The following SAMMSON variants were observed in gnomAD, a reference collection of about 807,000 sequenced individuals.
SAMMSON encodes long intergenic non-protein coding RNA 1212.
At chr3:70,004,722 T>C (rs2066919211) in intron 1 of SAMMSON, among the ~76,000 whole-genome samples, 1 of 152,182 alleles carries the variant, frequency 6.6e-6, no homozygotes, top group African/African-American at 2.4e-5. Context: ...CAAGTTATAG[T>C]TTTTAAAAAC....
Position 70,272,806 on chromosome 3 carries a change from G to T in SAMMSON, n.675-18373G>T, listed in dbSNP as rs539151336. ...TGGAAAGCATAAATGAATATTGCTT[G>T]TTTCACGAAGTTAGAATTTTCTTTC... On this transcript the variant is annotated intron_variant and non_coding_transcript_variant, in intron 6 of 9. Coordinates refer to ENST00000642114, the Ensembl canonical transcript of SAMMSON. 1.3e-4 allele frequency among the ~76,000 whole-genome samples: 20 copies of T among 152,238 alleles called. No homozygotes were observed. The South Asian group carries it at 3.9e-3, about 30-fold the overall frequency.
chr3:70,297,506 T>C (rs1196460104), intron 7 of SAMMSON, among the ~76,000 whole-genome samples: 1 of 152,142 alleles, frequency 6.6e-6, no homozygotes, highest in African/African-American at 2.4e-5. Flanking sequence ...GTAGTTTCAA[T>C]TGGTTAGACA....
intron 4 of SAMMSON, among the ~76,000 whole-genome samples, chr3:70,123,688 C>G (rs1402793876): frequency 1.3e-5 from 2 of 152,212 alleles, no homozygotes; most frequent in Non-Finnish European, 2.9e-5. Flanking sequence ...TTTGTCACTG[C>G]TCACATGTCA....
At chr3:70,392,320 T>C (rs1324025957), downstream of SAMMSON, among the ~76,000 whole-genome samples, 2 of 152,106 alleles carry the variant, frequency 1.3e-5, no homozygotes, top group East Asian at 1.9e-4. Context: ...CTCAATGAAT[T>C]TGAGGCTCAC....
chr3:70,125,042 T>A lies in SAMMSON; in HGVS notation n.507+53477T>A, dbSNP rs534419753. On this transcript the variant is annotated intron_variant and non_coding_transcript_variant, in intron 4 of 9. Coordinates refer to ENST00000642114, the Ensembl canonical transcript of SAMMSON. ...GGAAAGCCCTTGAAAGATACAGGAT[T>A]CAAAAGAAACCTTTATTAATTTTTA... 9 of 766,514 alleles carry A rather than the reference T, an allele frequency of 1.2e-5. No homozygotes were observed. In the African/African-American group the frequency reaches 1.4e-4, roughly 12 times the overall value. The allele number at this position is 766,514 out of a possible 1,614,324, so 47.5% of individuals were successfully genotyped here.
At chr3:70,187,318 C>G (rs1360853279) in intron 4 of SAMMSON, among the ~76,000 whole-genome samples, 1 of 151,748 alleles carries the variant, frequency 6.6e-6, no homozygotes, top group African/African-American at 2.4e-5. Flanking sequence ...AATACAAACC[C>G]TATTTATCCA....
At chr3:70,022,521 G>T (rs1435709336) in intron 3 of SAMMSON, among the ~76,000 whole-genome samples, 2 of 148,532 alleles carry the variant, frequency 1.3e-5, no homozygotes, top group Non-Finnish European at 3.0e-5. Flanking sequence ...GTGTTTTTTT[G>T]GTTCTTTTGG....
intron 4 of SAMMSON, among the ~76,000 whole-genome samples, chr3:70,212,363 A>T (rs777544034): frequency 2.0e-5 from 3 of 152,098 alleles, no homozygotes; most frequent in Non-Finnish European, 4.4e-5. Flanking sequence ...CTTCTCCCCA[A>T]ACTGGAATAA....
intron 7 of SAMMSON, among the ~76,000 whole-genome samples, chr3:70,307,728 A>G (rs1415368823): frequency 6.6e-6 from 1 of 152,132 alleles, no homozygotes; most frequent in Admixed American, 6.5e-5. Flanking sequence ...TTACAGGCTC[A>G]TATCACACAA....
downstream of SAMMSON, among the ~76,000 whole-genome samples, chr3:70,392,265 T>C (rs1340106218): frequency 6.6e-6 from 1 of 152,172 alleles, no homozygotes; most frequent in Non-Finnish European, 1.5e-5. Context: ...ATTTATTTCA[T>C]TCACATCTCA....
intron 4 of SAMMSON, among the ~76,000 whole-genome samples, chr3:70,163,637 G>C (rs964085753): frequency 2.6e-5 from 4 of 152,032 alleles, no homozygotes; most frequent in African/African-American, 7.2e-5. Context: ...GCAAAAGAAA[G>C]AGAGTCATAA....
chr3:70,398,649 C>T (rs910046253), intron 2 of SAMMSON, among the ~76,000 whole-genome samples: 2 of 152,162 alleles, frequency 1.3e-5, no homozygotes, highest in African/African-American at 4.8e-5. Context: ...AGTTGCTCTT[C>T]ATAATTTTTG....
At chr3:70,227,663 T>G (rs1385383375) in intron 4 of SAMMSON, among the ~76,000 whole-genome samples, 3 of 152,228 alleles carry the variant, frequency 2.0e-5, no homozygotes, top group Middle Eastern at 3.2e-3. Context: ...ATAATACTAC[T>G]TAACAATTTC....
At chr3:70,420,744 G>A (rs1701304472) in intron 2 of SAMMSON, among the ~76,000 whole-genome samples, 1 of 152,038 alleles carries the variant, frequency 6.6e-6, no homozygotes, top group Admixed American at 6.6e-5. Flanking sequence ...AGAGATTGTT[G>A]GTTTATTTTC....
chr3:70,000,616 A>G (rs964698895), intron 1 of SAMMSON, among the ~76,000 whole-genome samples: 3 of 152,314 alleles, frequency 2.0e-5, no homozygotes, highest in Middle Eastern at 3.4e-3. Context: ...AGAATGTTCT[A>G]TGCTTACTGT....
chr3:70,234,296 C>T (rs757266159), intron 4 of SAMMSON, among the ~76,000 whole-genome samples: 4 of 152,104 alleles, frequency 2.6e-5, no homozygotes, highest in Non-Finnish European at 5.9e-5. Flanking sequence ...TATTGAACAT[C>T]TACTATATGC....
intron 4 of SAMMSON, chr3:70,137,626 A>C (rs560840872): frequency 6.6e-6 from 1 of 152,316 alleles, no homozygotes; most frequent in East Asian, 1.9e-4. Context: ...GTCTACACTT[A>C]CACTGTCCAA....
chr3:70,279,671 T>C (rs1702062076), intron 6 of SAMMSON, among the ~76,000 whole-genome samples: 1 of 152,164 alleles, frequency 6.6e-6, no homozygotes, highest in African/African-American at 2.4e-5. Flanking sequence ...AGCTCCTCCA[T>C]TTCTGCATTT....
intron 4 of SAMMSON, among the ~76,000 whole-genome samples, chr3:70,153,457 T>C (rs925767971): frequency 2.0e-5 from 3 of 151,930 alleles, no homozygotes; most frequent in African/African-American, 4.8e-5. Flanking sequence ...GGAATGTTTT[T>C]GTGGTTGGGT....
Sources: gnomAD v4.1 joint callset for allele counts (sites outside exome capture counted in the v4.1 genomes callset) on GRCh38, gnomAD v4.1.1 for gene constraint, MANE v1.5 for transcripts, NCBI Gene and HGNC (gene_info 2026-07-23, HGNC 2026-07-21) for gene names.